RBFOX3: variants seen among roughly 807,000 people sequenced by gnomAD.
The protein encoded by RBFOX3 is RNA binding fox-1 homolog 3.
Under a neutral mutation model 48.7 loss-of-function variants are expected in RBFOX3, and 17 were observed. The ratio of observed to expected loss-of-function variants is 0.35; its 90% confidence interval spans 0.24 to 0.52. The LOEUF (loss-of-function observed/expected upper bound fraction) is 0.52. Among genes scored for constraint, RBFOX3 ranks in the 20% least tolerant of loss-of-function variants. The probability of loss-of-function intolerance (pLI) is 0.94; values close to 1 mark genes in which losing one functional copy is unlikely to be tolerated. For synonymous variants in RBFOX3, 212 were observed against 209.5 expected (o/e 1.01, Z -0.10); for missense variants, 382 against 497.5 (o/e 0.77, Z 2.21).
intron 1 of RBFOX3, among the ~76,000 whole-genome samples, chr17:79,512,330 T>C (rs1302232891): frequency 7.8e-6 from 1 of 128,294 alleles, no homozygotes; most frequent in Non-Finnish European, 1.6e-5. Flanking sequence ...CCCGGATACG[T>C]GTTACCATCG....
At chr17:79,168,358 G>A (rs2048450236) in intron 4 of RBFOX3, among the ~76,000 whole-genome samples, 1 of 152,258 alleles carries the variant, frequency 6.6e-6, no homozygotes, top group African/African-American at 2.4e-5. Context: ...GCCTGAGTAT[G>A]GGTTTAAATT....
chr17:79,128,613 C>T (rs1004434003), intron 4 of RBFOX3, among the ~76,000 whole-genome samples: 1 of 152,196 alleles, frequency 6.6e-6, no homozygotes, highest in African/African-American at 2.4e-5. Flanking sequence ...GTGAGCATCC[C>T]TGCCGGATGA....
At chr17:79,296,401 G>T (rs1015023337) in intron 3 of RBFOX3, among the ~76,000 whole-genome samples, 6 of 152,068 alleles carry the variant, frequency 3.9e-5, no homozygotes, top group African/African-American at 1.2e-4. Flanking sequence ...GTTTGCCAGA[G>T]CCGGGCTGTG....
At chr17:79,158,260 C>T (rs1478523617) in intron 4 of RBFOX3, among the ~76,000 whole-genome samples, 1 of 152,234 alleles carries the variant, frequency 6.6e-6, no homozygotes, top group Non-Finnish European at 1.5e-5. Flanking sequence ...CGAGGAGAAA[C>T]GCCTGTTGTT....
At chr17:79,196,911 G>T (rs1272811816) in intron 4 of RBFOX3, among the ~76,000 whole-genome samples, 1 of 152,198 alleles carries the variant, frequency 6.6e-6, no homozygotes, top group Non-Finnish European at 1.5e-5. Context: ...TGAGGGGTGT[G>T]CCGTGGAAGT....
At chr17:79,404,105 C>G (rs2148466918) in intron 2 of RBFOX3, among the ~76,000 whole-genome samples, 1 of 152,334 alleles carries the variant, frequency 6.6e-6, no homozygotes, top group South Asian at 2.1e-4. Flanking sequence ...ATGGTCCTCT[C>G]TTCTCACTCC....
At chr17:79,558,573 C>CGG (rs1186319444) in intron 1 of RBFOX3, among the ~76,000 whole-genome samples, 6 of 152,088 alleles carry the variant, frequency 3.9e-5, no homozygotes, top group Admixed American at 3.3e-4. Flanking sequence ...AAGGTGGCTT[C>CGG]GGGCCCCTGA....
the RBFOX3 span, among the ~76,000 whole-genome samples, chr17:79,659,182 C>T: frequency 3.3e-5 from 5 of 152,120 alleles, no homozygotes; most frequent in Admixed American, 2.0e-4. Flanking sequence ...GCATTGCTTC[C>T]GTCTACAACC....
chr17:79,322,430 G>A (rs1453239436), intron 2 of RBFOX3, among the ~76,000 whole-genome samples: 1 of 152,204 alleles, frequency 6.6e-6, no homozygotes, highest in Non-Finnish European at 1.5e-5. Flanking sequence ...ACAGAGCTTG[G>A]CACCAAGCAC....
chr17:79,260,284 G>A (rs137901888), intron 3 of RBFOX3, among the ~76,000 whole-genome samples: 1,685 of 152,182 alleles, frequency 0.011, 34 homozygotes, highest in African/African-American at 0.038. Flanking sequence ...TTCTCCCAGG[G>A]CCCCTTCCCA....
In RBFOX3 at chr17:79,157,850, C is replaced by T. The variant is rs540107610; in HGVS notation, c.-33-42102G>A. Among the ~76,000 whole-genome samples, 31 of 152,290 alleles carry T rather than the reference C, an allele frequency of 2.0e-4. 1 individual carries two copies. Among genetic ancestry groups the T allele is most frequent in the Admixed American group, 6.5e-4 (10 of 15,296 alleles). ...AACAATGAGTGCTGCTTATGGTCACCGCACGTCTGGAGACGCAGCACAGGG... is the reference window on the plus strand; with the variant it reads ...AACAATGAGTGCTGCTTATGGTCACTGCACGTCTGGAGACGCAGCACAGGG... On this transcript the variant is annotated intron_variant, in intron 4 of 14. Transcript: ENST00000693108.
chr17:79,129,317 G>A (rs1036811535), intron 4 of RBFOX3, among the ~76,000 whole-genome samples: 1 of 152,224 alleles, frequency 6.6e-6, no homozygotes, highest in African/African-American at 2.4e-5. Flanking sequence ...ACACATCCAG[G>A]ATGTAGCAGA....
intron 2 of RBFOX3, among the ~76,000 whole-genome samples, chr17:79,425,371 G>A (rs1276971842): frequency 5.9e-5 from 9 of 152,180 alleles, no homozygotes; most frequent in African/African-American, 9.7e-5. Flanking sequence ...AGTGCTCACT[G>A]GGAACCCACA....
chr17:79,478,339 T>C (rs1350035547), intron 2 of RBFOX3, among the ~76,000 whole-genome samples: 4 of 152,194 alleles, frequency 2.6e-5, no homozygotes, highest in African/African-American at 9.6e-5. Flanking sequence ...GTTTGGATAG[T>C]GTAAGCTGCA....
intron 2 of RBFOX3, among the ~76,000 whole-genome samples, chr17:79,441,272 G>A (rs1186137095): frequency 2.6e-5 from 4 of 152,224 alleles, no homozygotes; most frequent in Admixed American, 1.3e-4. Flanking sequence ...CCTTCCTCCC[G>A]GAGCCTCGGC....
chr17:79,285,962 C>T lies in RBFOX3; in HGVS notation c.-74+21762G>A, dbSNP rs924322209. The stretch of plus-strand genomic sequence containing the variant: ...CCTCCCAAAGTGCTGGGATTACAGG[C>T]GTGAGCCACTGCACCCGGCCTGTGC... On this transcript the variant is annotated intron_variant, in intron 3 of 14. Transcript: ENST00000693108. Among the ~76,000 whole-genome samples the T allele has an allele frequency of 2.0e-5, 3 of 152,290 alleles. No individual in the cohort carries two copies. In the East Asian group the frequency reaches 5.8e-4, roughly 29 times the overall value.
At chr17:79,137,647 G>A (rs910143231) in intron 4 of RBFOX3, among the ~76,000 whole-genome samples, 11 of 146,730 alleles carry the variant, frequency 7.5e-5, no homozygotes, top group African/African-American at 2.5e-4. Flanking sequence ...GGCCTGGCCC[G>A]GGCACGCGGG....
rs2076767942 is a variant in RBFOX3 at position 79,103,261 on chromosome 17, G to A, written c.415-7C>T. 1 of 1,547,830 alleles carries A rather than the reference G, an allele frequency of 6.5e-7. No individual in the cohort carries two copies. Among genetic ancestry groups the A allele is most frequent in the Non-Finnish European group, 8.7e-7 (1 of 1,143,806 alleles). The stretch of plus-strand genomic sequence containing the variant: ...AAGTTACAAACCCAAAACCCTGTGA[G>A]CAGAGGAGAGGGAAGGACAGGCACG... On this transcript the variant is annotated splice_region_variant and splice_polypyrimidine_tract_variant and intron_variant, in intron 7 of 14. Coordinates refer to ENST00000693108, the MANE Select transcript of RBFOX3 (RefSeq NM_001350451.2). This position sits in a 1 kb window ranked among gnomAD's most constrained non-coding sequence, Gnocchi z 6.1.
chr17:79,176,098 C>G (rs577561190), intron 4 of RBFOX3, among the ~76,000 whole-genome samples: 48 of 152,186 alleles, frequency 3.2e-4, no homozygotes, highest in Non-Finnish European at 2.9e-4. Context: ...TTGGCCCAAA[C>G]GGCAGCTCCA....
Sources: gnomAD v4.1 joint callset for allele counts (sites outside exome capture counted in the v4.1 genomes callset) on GRCh38, gnomAD v4.1.1 for gene constraint, Gnocchi (gnomAD v3.1) non-coding constraint, MANE v1.5 for transcripts, NCBI Gene and HGNC (gene_info 2026-07-23, HGNC 2026-07-21) for gene names.